Variants in SLC41A1 observed in about 807,000 individuals in gnomAD.
SLC41A1 encodes the protein solute carrier family 41 member 1.
Under a neutral mutation model 47.3 loss-of-function variants are expected in SLC41A1, and 20 were observed. The observed-to-expected ratio is 0.42, with a 90% CI of 0.30 to 0.61. SLC41A1 has a LOEUF of 0.61. Ranked by LOEUF, SLC41A1 falls within the 20% of genes least tolerant of loss-of-function variation. The pLI is 0.17. For missense variants in SLC41A1, 504 were observed against 674.1 expected (o/e 0.75, Z 2.79); for synonymous variants, 282 against 272.7 (o/e 1.03, Z -0.34).
In SLC41A1 at chr1:205,792,039, A is replaced by C. The variant is rs1050255301; in HGVS notation, c.1357-321T>G. On this transcript the variant is annotated intron_variant, in intron 10 of 10. Transcript: ENST00000367137. ...TGACCTAAATCCTACTTGTTGCAGA[A>C]ACTCAGCCCTCTTGCCTCTAACTCT... Among the ~76,000 whole-genome samples, 7 of 152,322 alleles carry C rather than the reference A, an allele frequency of 4.6e-5. 1 individual carries two copies. Among genetic ancestry groups the C allele is most frequent in the Admixed American group, 2.0e-4 (3 of 15,306 alleles).
At chr1:205,805,131 A>G (rs978967389) in intron 2 of SLC41A1, among the ~76,000 whole-genome samples, 4 of 152,120 alleles carry the variant, frequency 2.6e-5, no homozygotes, top group Non-Finnish European at 5.9e-5. Flanking sequence ...TCACAGTAAC[A>G]GCCCCTATGC....
Position 205,810,251 on chromosome 1 carries a change from T to C in SLC41A1, c.191A>G (p.Asp64Gly). ...RANAKGVREEDALLENGSQSN... is the reference protein window; with the variant it reads ...RANAKGVREEGALLENGSQSN... ...CTGGCTCCCGTTCTCCAGCAGGGCG[T>C]CCTCCTCCCGAACCCCCTTGGCGTT... The change falls in exon 2 of 11, where the codon GAC becomes GGC. Residue 64 changes from aspartate to glycine, a missense_variant. By Grantham distance (94) the Asp-to-Gly change is moderately conservative (BLOSUM62 -1). This residue lies in a region of SLC41A1 where 421 missense variants were observed against 601.6 expected (regional missense o/e 0.70). Coordinates refer to ENST00000367137, the MANE Select transcript of SLC41A1 (RefSeq NM_173854.6). The surrounding 1 kb of genome is among the most constrained non-coding windows in gnomAD (Gnocchi z 5.5). 2 of 1,614,122 alleles carry C rather than the reference T, an allele frequency of 1.2e-6. No individual in the cohort carries two copies. The highest frequency in any genetic ancestry group is 8.5e-7 in the Non-Finnish European group (1 of 1,180,008).
At chr1:205,805,533 G>A (rs933853490) in intron 2 of SLC41A1, among the ~76,000 whole-genome samples, 9 of 152,270 alleles carry the variant, frequency 5.9e-5, no homozygotes, top group South Asian at 2.1e-4. Flanking sequence ...AGCCACCCAC[G>A]CCTTCCTGCT....
chr1:205,793,705 A>G (rs2102500220), intron 10 of SLC41A1, among the ~76,000 whole-genome samples: 1 of 152,378 alleles, frequency 6.6e-6, no homozygotes, highest in East Asian at 1.9e-4. Context: ...TTGATATGGA[A>G]TGATCTCAAA....
chr1:205,801,317 C>T, intron 2 of SLC41A1: 1 of 446,170 alleles, frequency 2.2e-6, no homozygotes, highest in Non-Finnish European at 4.2e-6. Context: ...CAGTCTGGCC[C>T]TACCTTTTCT....
At chr1:205,795,307 TCCCC>T (rs756920489) in intron 9 of SLC41A1, 33 bp downstream of exon 9, 88 of 1,613,518 alleles carry the variant, frequency 5.5e-5, no homozygotes, top group Non-Finnish European at 7.3e-5. Context: ...GTAGGCCCAC[TCCCC>T]CCAGGGCTGG....
chr1:205,797,253 C>A (rs1655770715), intron 7 of SLC41A1, among the ~76,000 whole-genome samples: 1 of 152,242 alleles, frequency 6.6e-6, no homozygotes, highest in African/African-American at 2.4e-5. Flanking sequence ...TGTACCTGCC[C>A]TCTAAGTTGG....
At chr1:205,812,666 T>C in intron 1 of SLC41A1, 142 bp downstream of exon 1, 3 of 854,412 alleles carry the variant, frequency 3.5e-6, no homozygotes, top group South Asian at 5.3e-5. Flanking sequence ...CCCATTTTAG[T>C]ATCCCCAACC....
intron 4 of SLC41A1, 132 bp from the exon 5 acceptor site, chr1:205,799,233 T>A: frequency 8.4e-7 from 1 of 1,194,714 alleles, no homozygotes; most frequent in Non-Finnish European, 1.2e-6. Flanking sequence ...CATGGTCCAG[T>A]CCTCCCAGGC....
chr1:205,804,036 G>A (rs902013368), intron 2 of SLC41A1, among the ~76,000 whole-genome samples: 4 of 152,146 alleles, frequency 2.6e-5, no homozygotes, highest in African/African-American at 9.7e-5. Context: ...AAGATGAGGA[G>A]TTCTGGAGAT....
At chr1:205,804,735 C>A (rs1558082579) in intron 2 of SLC41A1, among the ~76,000 whole-genome samples, 1 of 152,158 alleles carries the variant, frequency 6.6e-6, no homozygotes, top group Non-Finnish European at 1.5e-5. Context: ...AAGCTCCTCT[C>A]AGAGCACAGC....
rs115941377 is a variant in SLC41A1, at chr1:205,791,871, G to T, written c.1357-153C>A. Among the ~76,000 whole-genome samples, 1,129 of 152,274 alleles carry T rather than the reference G, an allele frequency of 7.4e-3. 19 individuals are homozygous for T. Among genetic ancestry groups the T allele is most frequent in the African/African-American group, 0.026 (1,084 of 41,552 alleles). On this transcript the variant is annotated intron_variant, in intron 10 of 10. Coordinates refer to ENST00000367137, the MANE Select transcript of SLC41A1 (RefSeq NM_173854.6). The surrounding 1 kb of genome is among the most constrained non-coding windows in gnomAD (Gnocchi z 4.0). ...CTCTTTCCACCCCAGCAACCTCTCT[G>T]TGTTTCTCCACCCCACAATTACCAC...
Position 205,800,531 on chromosome 1 carries a change from C to T in SLC41A1, c.480+422G>A, listed in dbSNP as rs186212855. Among the ~76,000 whole-genome samples the T allele has an allele frequency of 4.4e-3, 668 of 152,152 alleles. 6 individuals carry two copies. Among genetic ancestry groups the T allele is most frequent in the African/African-American group, 0.014 (591 of 41,526 alleles). ...CCATGGGTAAAGGGAATGGGATGGCCGGGGGGCTGGGGGTGCTGGGAGGGC... is the reference window on the plus strand; with the variant it reads ...CCATGGGTAAAGGGAATGGGATGGCTGGGGGGCTGGGGGTGCTGGGAGGGC... On this transcript the variant is annotated intron_variant, in intron 3 of 10. Transcript: ENST00000367137.
rs1434716083 is a variant in SLC41A1, at chr1:205,812,202, C to A, written c.-647+606G>T. 2.0e-5 allele frequency among the ~76,000 whole-genome samples: 3 copies of A among 152,152 alleles called. No individual in the cohort carries two copies. The East Asian group carries it at 5.8e-4, about 29-fold the overall frequency. ...AAAAATAAATTTAAAGAGAGTTCCA[C>A]CAGGTAAGAGGAACAGGTCCTTAAG... On this transcript the variant is annotated intron_variant, in intron 1 of 10. Transcript: ENST00000367137.
At chr1:205,812,241 C>T (rs1656173029) in intron 1 of SLC41A1, among the ~76,000 whole-genome samples, 1 of 152,216 alleles carries the variant, frequency 6.6e-6, no homozygotes. Context: ...TCCAAACACA[C>T]ACAATTAGTC....
In SLC41A1 at chr1:205,791,667, G is replaced by C; in HGVS notation, c.1408C>G (p.Arg470Gly). 6.2e-7 allele frequency: 1 copy of C among 1,614,024 alleles called. No homozygotes were observed. Among genetic ancestry groups the C allele is most frequent in the Non-Finnish European group, 8.5e-7 (1 of 1,180,004 alleles). ...GAGAAGTTGTCCGGGTCCAGGCCCC[G>C]GCCCCACATCCAGTGCACCATCCAG... ...ADWMVHWMWGRGLDPDNFSIP... is the reference protein window; with the variant it reads ...ADWMVHWMWGGGLDPDNFSIP... Residue 470 changes from arginine (R) to glycine (G), a missense_variant, in exon 11 of 11, where the codon CGG becomes GGG. Physicochemically the swap from Arg to Gly is moderately radical, Grantham distance 125 (BLOSUM62 -2). Coordinates refer to ENST00000367137, the MANE Select transcript of SLC41A1 (RefSeq NM_173854.6). The surrounding 1 kb of genome is among the most constrained non-coding windows in gnomAD (Gnocchi z 4.0).
rs991183679 is a variant in SLC41A1 at position 205,809,941 on chromosome 1, C to T, written c.372+129G>A. ...CCAAGAAGAAACCGAGGACATGATC[C>T]AAAGGAAAACAGTATTCTAGGAAGC... On this transcript the variant is annotated intron_variant, in intron 2 of 10. Transcript: ENST00000367137. 17 of 1,399,230 alleles carry T rather than the reference C, an allele frequency of 1.2e-5. No homozygotes were observed. The African/African-American group carries it at 2.4e-4, about 20-fold the overall frequency. 86.7% of individuals were successfully genotyped at this position (1,399,230 alleles called of 1,614,324 possible).
In SLC41A1 at chr1:205,791,367, A is replaced by T; in HGVS notation, c.*166T>A. 1.2e-6 allele frequency: 1 copy of T among 850,676 alleles called. No individual in the cohort carries two copies. The highest frequency in any genetic ancestry group is 1.9e-6 in the Non-Finnish European group (1 of 527,026). The allele number at this position is 850,676 out of a possible 1,614,324, so 52.7% of individuals were successfully genotyped here. On this transcript the variant is annotated 3_prime_UTR_variant, in exon 11 of 11. Transcript: ENST00000367137. The surrounding 1 kb of genome is among the most constrained non-coding windows in gnomAD (Gnocchi z 4.0). ...GTGTTTCCCAAATTCTTGCTATACAAACTTGGCTCAATGTATAAAAATTCC... is the reference window on the plus strand; with the variant it reads ...GTGTTTCCCAAATTCTTGCTATACATACTTGGCTCAATGTATAAAAATTCC...
intron 9 of SLC41A1, 98 bp downstream of exon 9, chr1:205,795,246 G>A (rs1655718582): frequency 6.3e-7 from 1 of 1,576,092 alleles, no homozygotes; most frequent in Admixed American, 1.7e-5. Context: ...CAGAGAAGGA[G>A]AACCTGTGGA....
Sources: gnomAD v4.1 joint callset for allele counts (sites outside exome capture counted in the v4.1 genomes callset) on GRCh38, gnomAD v4.1.1 for gene constraint, gnomAD v4.1.1 regional missense constraint, Gnocchi (gnomAD v3.1) non-coding constraint, MANE v1.5 for transcripts, NCBI Gene and HGNC (gene_info 2026-07-23, HGNC 2026-07-21) for gene names.